MYO1E: variants seen among roughly 807,000 people sequenced by gnomAD.
The protein encoded by MYO1E is myosin IE.
In MYO1E, 68 loss-of-function variants were observed where a neutral mutation model predicts 151.1. The ratio of observed to expected loss-of-function variants is 0.45; its 90% confidence interval spans 0.37 to 0.55. MYO1E has a LOEUF of 0.55. Ranked by LOEUF, MYO1E falls within the 20% of genes least tolerant of loss-of-function variation. The pLI is 0.00. For missense variants in MYO1E, 1,363 were observed against 1,389.3 expected (o/e 0.98, Z 0.30); for synonymous variants, 601 against 501.7 (o/e 1.20, Z -2.64).
chr15:59,254,192 T>TA (rs1596386545), intron 4 of MYO1E, among the ~76,000 whole-genome samples: 3 of 151,402 alleles, frequency 2.0e-5, no homozygotes, highest in Admixed American at 6.6e-5. Flanking sequence ...TTTGCTTTAT[T>TA]AAAAAAACAA....
intron 26 of MYO1E, among the ~76,000 whole-genome samples, chr15:59,144,533 G>A (rs1044427621): frequency 6.6e-6 from 1 of 151,894 alleles, no homozygotes; most frequent in East Asian, 1.9e-4. Context: ...GGGCTTAAGC[G>A]ATCCTCCCAC....
chr15:59,321,191 G>C (rs1461958148), intron 1 of MYO1E, among the ~76,000 whole-genome samples: 1 of 152,220 alleles, frequency 6.6e-6, no homozygotes, highest in Non-Finnish European at 1.5e-5. Context: ...ACAGATGGTG[G>C]TAAGGCTGAG....
intron 1 of MYO1E, among the ~76,000 whole-genome samples, chr15:59,371,931 C>T (rs2080947939): frequency 6.6e-6 from 1 of 150,384 alleles, no homozygotes. Context: ...GTGCGGCCCG[C>T]GCCGCCCCTC....
intron 2 of MYO1E, among the ~76,000 whole-genome samples, chr15:59,268,924 T>C (rs1161696472): frequency 1.3e-5 from 2 of 151,668 alleles, no homozygotes; most frequent in Non-Finnish European, 2.9e-5. Context: ...ACGGACATCA[T>C]TTGTTTGTTT....
rs563548157 is a variant in MYO1E at position 59,329,804 on chromosome 15, C to T, written c.3+42694G>A. ...CTGATTACAGCGTGAGATCAAATCC[C>T]CATGGACAGGGCGGACTGGTATTTC... On this transcript the variant is annotated intron_variant, in intron 1 of 27. Coordinates refer to ENST00000288235, the MANE Select transcript of MYO1E (RefSeq NM_004998.4). Among the ~76,000 whole-genome samples, 11 of 152,312 alleles carry T rather than the reference C, an allele frequency of 7.2e-5. No individual in the cohort carries two copies. In the South Asian group the frequency reaches 1.2e-3, roughly 17 times the overall value.
At chr15:59,151,900 A>G (rs1157535362) in intron 26 of MYO1E, among the ~76,000 whole-genome samples, 1 of 151,236 alleles carries the variant, frequency 6.6e-6, no homozygotes, top group Non-Finnish European at 1.5e-5. Context: ...ACACACACAC[A>G]CACACACACA....
intron 10 of MYO1E, among the ~76,000 whole-genome samples, chr15:59,216,623 T>TATCTATCTATC (rs201595850): frequency 4.6e-5 from 6 of 131,866 alleles, no homozygotes; most frequent in African/African-American, 1.7e-4. Flanking sequence ...TCTATCTATC[T>TATCTATCTATC]TTTGGATCGA....
chr15:59,246,655 T>C (rs2140364196), intron 4 of MYO1E, among the ~76,000 whole-genome samples: 1 of 152,304 alleles, frequency 6.6e-6, no homozygotes, highest in Non-Finnish European at 1.5e-5. Context: ...GTGTCAGTGC[T>C]ATCATGTCTC....
intron 5 of MYO1E, among the ~76,000 whole-genome samples, chr15:59,236,367 T>TACACACACAC (rs1312557127): frequency 8.5e-5 from 2 of 23,584 alleles, no homozygotes; most frequent in Admixed American, 1.3e-3. Context: ...AAAAAAAATA[T>TACACACACAC]ATACACACAC....
intron 16 of MYO1E, among the ~76,000 whole-genome samples, chr15:59,200,278 C>T (rs1260605657): frequency 6.6e-6 from 1 of 152,136 alleles, no homozygotes. Context: ...CTCGATTTTC[C>T]AGCCCAGAGT....
chr15:59,171,786 ATTTTGACAGCTG>A (rs1738841010), intron 22 of MYO1E, 99 bp downstream of exon 22: 1 of 1,381,548 alleles, frequency 7.2e-7, no homozygotes, highest in Non-Finnish European at 1.0e-6. Flanking sequence ...CTTGATCATG[ATTTTGACAGCTG>A]GGAAGCCCAG....
intron 26 of MYO1E, among the ~76,000 whole-genome samples, chr15:59,145,489 C>T (rs149212563): frequency 1.3e-5 from 2 of 152,262 alleles, no homozygotes; most frequent in East Asian, 1.9e-4. Flanking sequence ...CGGGTTCAAG[C>T]GTTTCTCCTG....
chr15:59,190,755 T>C (rs919467493), intron 17 of MYO1E, among the ~76,000 whole-genome samples: 32 of 152,240 alleles, frequency 2.1e-4, no homozygotes, highest in Non-Finnish European at 7.3e-5. Context: ...ACTTAGTTCG[T>C]AGCACGAGCA....
rs547100342 is a variant in MYO1E at position 59,149,873 on chromosome 15, G to T, written c.3080+3717C>A. Among the ~76,000 whole-genome samples the T allele has an allele frequency of 4.6e-5, 7 of 152,256 alleles. No homozygotes were observed. In the South Asian group the frequency reaches 1.5e-3, roughly 32 times the overall value. The stretch of plus-strand genomic sequence containing the variant: ...ATGTATAGGAATTTTCATGTTTATG[G>T]AAAAAGTACAAACTTGGGATCCTAA... On this transcript the variant is annotated intron_variant, in intron 26 of 27. Transcript: ENST00000288235.
intron 16 of MYO1E, among the ~76,000 whole-genome samples, chr15:59,199,701 A>G (rs1375321731): frequency 1.3e-5 from 2 of 152,244 alleles, no homozygotes; most frequent in Non-Finnish European, 2.9e-5. Context: ...AATAATTAGA[A>G]TATAATGAAA....
At chr15:59,148,396 C>T (rs952787323) in intron 26 of MYO1E, among the ~76,000 whole-genome samples, 4 of 152,164 alleles carry the variant, frequency 2.6e-5, no homozygotes, top group East Asian at 1.9e-4. Flanking sequence ...TAGTCTATGT[C>T]GGGGGAGCTA....
At chr15:59,258,743 T>A (rs1181298057) in intron 3 of MYO1E, among the ~76,000 whole-genome samples, 2 of 151,872 alleles carry the variant, frequency 1.3e-5, no homozygotes, top group Admixed American at 1.3e-4. Context: ...GTCCCAGCTA[T>A]TTGCTTGGGA....
chr15:59,143,692 G>T (rs1445279514), intron 26 of MYO1E, among the ~76,000 whole-genome samples: 1 of 152,188 alleles, frequency 6.6e-6, no homozygotes, highest in Non-Finnish European at 1.5e-5. Flanking sequence ...CCTGTGAGAT[G>T]ACTGATGCAG....
At chr15:59,260,341 G>A (rs1261045971) in intron 3 of MYO1E, among the ~76,000 whole-genome samples, 1 of 152,188 alleles carries the variant, frequency 6.6e-6, no homozygotes, top group Non-Finnish European at 1.5e-5. Flanking sequence ...AAGGTCTTTC[G>A]CGTGGCAGCC....
Sources: gnomAD v4.1 joint callset for allele counts (sites outside exome capture counted in the v4.1 genomes callset) on GRCh38, gnomAD v4.1.1 for gene constraint, MANE v1.5 for transcripts, NCBI Gene and HGNC (gene_info 2026-07-23, HGNC 2026-07-21) for gene names.